OTUD7A: variants seen among roughly 807,000 people sequenced by gnomAD.
The protein encoded by OTUD7A is OTU domain-containing protein 7A.
A neutral mutation model predicts 65.7 loss-of-function variants in OTUD7A; 12 were observed. The observed-to-expected ratio is 0.18, with a 90% CI of 0.12 to 0.30. The LOEUF is 0.30. Ranked by LOEUF, OTUD7A falls within the 10% of genes least tolerant of loss-of-function variation. The pLI is 1.00. For missense variants in OTUD7A, 1,148 were observed against 1,304.8 expected (o/e 0.88, Z 1.85); for synonymous variants, 641 against 586.3 (o/e 1.09, Z -1.35).
chr15:31,506,171 G>A (rs1319516861), intron 8 of OTUD7A, among the ~76,000 whole-genome samples: 1 of 151,816 alleles, frequency 6.6e-6, no homozygotes, highest in African/African-American at 2.4e-5. Context: ...TTTTGTTAGG[G>A]GCAGTATTAG....
At chr15:31,757,802 G>C (rs1259495715) in intron 1 of OTUD7A, among the ~76,000 whole-genome samples, 1 of 152,166 alleles carries the variant, frequency 6.6e-6, no homozygotes, top group Non-Finnish European at 1.5e-5. Flanking sequence ...TAATTCTATA[G>C]AATTCTTTGA....
intron 1 of OTUD7A, among the ~76,000 whole-genome samples, chr15:31,714,779 T>G (rs947428574): frequency 6.6e-6 from 1 of 152,214 alleles, no homozygotes; most frequent in Admixed American, 6.5e-5. Context: ...TTTACTAACA[T>G]GAGCAAACCA....
chr15:31,765,071 A>G (rs541255729), intron 1 of OTUD7A, among the ~76,000 whole-genome samples: 2 of 152,298 alleles, frequency 1.3e-5, no homozygotes, highest in African/African-American at 2.4e-5. Flanking sequence ...GAATGAATAT[A>G]TGATTGCCTT....
intron 3 of OTUD7A, among the ~76,000 whole-genome samples, chr15:31,627,306 G>A (rs1595667703): frequency 7.5e-6 from 1 of 133,506 alleles, no homozygotes; most frequent in South Asian, 2.3e-4. Context: ...TGTTCTCATT[G>A]TTCAATTCCC....
intron 1 of OTUD7A, among the ~76,000 whole-genome samples, chr15:31,725,228 G>C (rs1475462282): frequency 6.6e-6 from 1 of 152,194 alleles, no homozygotes; most frequent in East Asian, 1.9e-4. Flanking sequence ...GCCCTGCTGG[G>C]AAACTGAACG....
chr15:31,523,189 A>G (rs2041961665), intron 8 of OTUD7A, among the ~76,000 whole-genome samples: 1 of 152,224 alleles, frequency 6.6e-6, no homozygotes, highest in South Asian at 2.1e-4. Context: ...GCCTCCTGAA[A>G]GACTGGGTTA....
intron 1 of OTUD7A, among the ~76,000 whole-genome samples, chr15:31,673,534 T>A (rs941236313): frequency 1.3e-5 from 2 of 152,366 alleles, no homozygotes; most frequent in South Asian, 4.1e-4. Context: ...AGCATTGGAA[T>A]GCTTGCAAGG....
intron 4 of OTUD7A, among the ~76,000 whole-genome samples, chr15:31,561,998 ATTC>A (rs1888707708): frequency 6.6e-6 from 1 of 152,216 alleles, no homozygotes; most frequent in Non-Finnish European, 1.5e-5. Context: ...TTAACTATAT[ATTC>A]TTTTTTCATT....
At chr15:31,699,269 TG>T (rs1440327309) in intron 1 of OTUD7A, among the ~76,000 whole-genome samples, 3 of 151,998 alleles carry the variant, frequency 2.0e-5, no homozygotes, top group Admixed American at 2.0e-4. Context: ...TTAGTAGAGA[TG>T]GGGTTTCACC....
chr15:31,842,636 C>T (rs1174254283), intron 1 of OTUD7A, among the ~76,000 whole-genome samples: 2 of 152,136 alleles, frequency 1.3e-5, no homozygotes, highest in Non-Finnish European at 2.9e-5. Flanking sequence ...ATCACAAACG[C>T]ACTCTGAATT....
chr15:31,659,916 C>T (rs1360680993), intron 1 of OTUD7A, among the ~76,000 whole-genome samples: 1 of 152,254 alleles, frequency 6.6e-6, no homozygotes, highest in Non-Finnish European at 1.5e-5. Context: ...GGTGCAAAGC[C>T]CCTGCAACCC....
At chr15:31,495,126 G>A (rs978086313) in intron 10 of OTUD7A, among the ~76,000 whole-genome samples, 4 of 152,062 alleles carry the variant, frequency 2.6e-5, no homozygotes, top group African/African-American at 9.7e-5. Context: ...TGGCATCTGG[G>A]TGCACTCTTG....
At chr15:31,613,801 G>C (rs181003396) in intron 3 of OTUD7A, among the ~76,000 whole-genome samples, 1 of 152,216 alleles carries the variant, frequency 6.6e-6, no homozygotes, top group Admixed American at 6.5e-5. Context: ...TATCCACCTA[G>C]AGGAAAAGAA....
At chr15:31,492,314 C>G (rs1251893022) in intron 10 of OTUD7A, among the ~76,000 whole-genome samples, 1 of 152,204 alleles carries the variant, frequency 6.6e-6, no homozygotes, top group East Asian at 1.9e-4. Context: ...TGTGGTGGCT[C>G]ACACCTGTAA....
chr15:31,609,110 A>G (rs2085666), intron 3 of OTUD7A, among the ~76,000 whole-genome samples: 35,573 of 152,160 alleles, frequency 0.23, 5,273 homozygotes, highest in East Asian at 0.66. Context: ...TGGGTCCCCA[A>G]GCAGGCCATT....
Position 31,796,181 on chromosome 15 carries a change from C to G in OTUD7A, c.-100+74326G>C, listed in dbSNP as rs60505779. Among the ~76,000 whole-genome samples, 244 of 121,638 alleles carry G rather than the reference C, an allele frequency of 2.0e-3. 2 individuals carry two copies. The highest frequency in any genetic ancestry group is 7.3e-3 in the African/African-American group (233 of 31,962). 79.8% of individuals were successfully genotyped at this position (121,638 alleles called of 152,430 possible). A position where few individuals can be genotyped will look rare whatever the true frequency, so the allele number is the denominator to read the frequency against. ...TGTGTGTGTGTATCTATGTATGTAT[C>G]TATGCATTATCTATCTATCTATCTA... On this transcript the variant is annotated intron_variant, in intron 1 of 12. Transcript: ENST00000307050.
chr15:31,752,249 G>A (rs1376177573), intron 1 of OTUD7A, among the ~76,000 whole-genome samples: 1 of 152,136 alleles, frequency 6.6e-6, no homozygotes, highest in Non-Finnish European at 1.5e-5. Flanking sequence ...AGTATGATGT[G>A]TATGGATACA....
chr15:31,696,274 G>C (rs886363215), intron 1 of OTUD7A, among the ~76,000 whole-genome samples: 7 of 137,300 alleles, frequency 5.1e-5, no homozygotes, highest in Non-Finnish European at 1.1e-4. Flanking sequence ...GGCCAGAAGC[G>C]CATTTTGAGC....
At chr15:31,604,172 T>C (rs1057056706) in intron 3 of OTUD7A, among the ~76,000 whole-genome samples, 10 of 152,200 alleles carry the variant, frequency 6.6e-5, no homozygotes, top group Admixed American at 2.6e-4. Flanking sequence ...CTATTCACAA[T>C]AGCAAAGACT....
Sources: allele counts gnomAD v4.1 joint callset (sites outside exome capture counted in the v4.1 genomes callset), GRCh38; gene constraint gnomAD v4.1.1; transcripts MANE v1.5; gene names NCBI Gene and HGNC (gene_info 2026-07-23, HGNC 2026-07-21).